The following PTPRN2 variants were observed in gnomAD, a reference collection of about 807,000 sequenced individuals.
The protein encoded by PTPRN2 is receptor-type tyrosine-protein phosphatase N2.
Under a neutral mutation model 118.8 loss-of-function variants are expected in PTPRN2, and 74 were observed. The ratio of observed to expected loss-of-function variants is 0.62; its 90% CI spans 0.52 to 0.76. PTPRN2 has a LOEUF of 0.76. Among genes scored for constraint, PTPRN2 ranks in the 30% least tolerant of loss-of-function variants. The pLI is 0.00. For missense variants in PTPRN2, 1,481 were observed against 1,394.4 expected, an observed-to-expected ratio of 1.06 and a Z score of -0.99; for synonymous variants, 641 against 608.0, an observed-to-expected ratio of 1.05 and a Z score of -0.80.
At position 157,893,428 on chromosome 7, in the gene PTPRN2, TC is replaced by T. The variant is rs1391558083; in HGVS notation, c.1788+5244del. On this transcript the variant is annotated intron_variant, in intron 12 of 22. Coordinates refer to ENST00000389418, the MANE Select transcript of PTPRN2 (RefSeq NM_002847.5). The surrounding 1 kb of genome is among the most constrained non-coding windows in gnomAD (Gnocchi z 4.0). ...TTCCCACATATGAGATGGGTGGGCA[TC>T]AGGAGTGGGCAGAGGCCAATTCTTT... Among the ~76,000 whole-genome samples the T allele has an allele frequency of 3.3e-5, 5 of 152,284 alleles. No homozygotes were observed. In the East Asian group the frequency reaches 7.7e-4, roughly 24 times the overall value.
chr7:157,799,562 G>T (rs190702023), intron 12 of PTPRN2, among the ~76,000 whole-genome samples: 1 of 152,146 alleles, frequency 6.6e-6, no homozygotes, highest in Non-Finnish European at 1.5e-5. Context: ...CATCTGACTC[G>T]CACACTGCCC....
At chr7:157,901,970 T>C (rs1287559715) in intron 11 of PTPRN2, among the ~76,000 whole-genome samples, 1 of 152,044 alleles carries the variant, frequency 6.6e-6, no homozygotes, top group Non-Finnish European at 1.5e-5. Flanking sequence ...TTCCCGTCCG[T>C]GTTTCCTTGG....
At chr7:158,144,987 C>T (rs1186373448) in intron 6 of PTPRN2, among the ~76,000 whole-genome samples, 2 of 143,950 alleles carry the variant, frequency 1.4e-5, no homozygotes, top group Admixed American at 1.4e-4. Flanking sequence ...TTCCAGAATA[C>T]CACGGCTCGG....
At chr7:157,638,852 C>T (rs1366724875) in intron 14 of PTPRN2, among the ~76,000 whole-genome samples, 2 of 152,154 alleles carry the variant, frequency 1.3e-5, no homozygotes, top group Non-Finnish European at 2.9e-5. Context: ...GCCGTCAGGG[C>T]CCACTCGCTG....
At chr7:158,484,964 C>T (rs1043322906) in intron 2 of PTPRN2, among the ~76,000 whole-genome samples, 7 of 152,280 alleles carry the variant, frequency 4.6e-5, no homozygotes, top group Middle Eastern at 3.4e-3. Context: ...TCAGCGTGGC[C>T]GGCGGAGTGA....
intron 12 of PTPRN2, among the ~76,000 whole-genome samples, chr7:157,798,618 TCTC>T (rs1805028216): frequency 6.6e-6 from 1 of 152,182 alleles, no homozygotes; most frequent in Admixed American, 6.5e-5. Context: ...GTTATTTTCT[TCTC>T]CTAATCACAA....
chr7:158,331,904 CACCAT>C (rs1316420291), intron 2 of PTPRN2, among the ~76,000 whole-genome samples: 4 of 150,106 alleles, frequency 2.7e-5, no homozygotes, highest in East Asian at 3.9e-4. Context: ...CCCACACTCT[CACCAT>C]AAGAGCTGAC....
At chr7:158,500,619 C>T (rs1036563014) in intron 1 of PTPRN2, among the ~76,000 whole-genome samples, 3 of 152,236 alleles carry the variant, frequency 2.0e-5, no homozygotes, top group African/African-American at 4.8e-5. Context: ...CAAAGGGCCA[C>T]GCTGGCTTCC....
rs74415566 is a variant in PTPRN2 at position 157,918,513 on chromosome 7, A to T, written c.1724-19776T>A. Among the ~76,000 whole-genome samples the T allele has an allele frequency of 1.5e-4, 23 of 152,334 alleles. No homozygotes were observed. The East Asian group carries it at 4.4e-3, about 29-fold the overall frequency. The stretch of plus-strand genomic sequence containing the variant: ...GCAGGGGAAGTCATCTTCCTAGGAC[A>T]GGTGCCTTCACTCGCATCAAACTAC... On this transcript the variant is annotated intron_variant, in intron 11 of 22. Transcript: ENST00000389418.
At chr7:158,289,174 G>T (rs181271764) in intron 3 of PTPRN2, among the ~76,000 whole-genome samples, 1 of 151,920 alleles carries the variant, frequency 6.6e-6, no homozygotes, top group Non-Finnish European at 1.5e-5. Flanking sequence ...CAATCTAATC[G>T]GAGACTTTTG....
chr7:158,057,350 G>A (rs1809868760), intron 11 of PTPRN2, among the ~76,000 whole-genome samples: 2 of 152,104 alleles, frequency 1.3e-5, no homozygotes, highest in South Asian at 4.1e-4. Flanking sequence ...GTCAAACTTG[G>A]GGAAAAACAG....
In PTPRN2 at chr7:157,584,039, G is replaced by C. The variant is rs182678009; in HGVS notation, c.2497-5899C>G. 2.7e-3 allele frequency among the ~76,000 whole-genome samples: 407 copies of C among 152,238 alleles called. 3 individuals carry two copies. The highest frequency in any genetic ancestry group is 9.3e-3 in the African/African-American group (387 of 41,534). ...GAGCTGGATGTGGTGGTGTGAACCT[G>C]TAGTCCCAGCTAGTTGGGAGGCTGA... On this transcript the variant is annotated intron_variant, in intron 17 of 22. Transcript: ENST00000389418.
Position 157,831,067 on chromosome 7 carries a change from G to T in PTPRN2, c.1788+67606C>A, listed in dbSNP as rs148934629. Among the ~76,000 whole-genome samples the T allele has an allele frequency of 4.0e-3, 615 of 152,364 alleles. 12 individuals carry two copies. The South Asian group carries it at 0.05, about 12-fold the overall frequency. ...GTTGGTGACTCTGGAGGAAGAGGGTGCAGGTGCTCATTTTACTCTTCTTTC... is the reference window on the plus strand; with the variant it reads ...GTTGGTGACTCTGGAGGAAGAGGGTTCAGGTGCTCATTTTACTCTTCTTTC... On this transcript the variant is annotated intron_variant, in intron 12 of 22. Coordinates refer to ENST00000389418, the MANE Select transcript of PTPRN2 (RefSeq NM_002847.5). The surrounding 1 kb of genome is among the most constrained non-coding windows in gnomAD (Gnocchi z 4.8).
chr7:158,305,730 A>C (rs1047575264), intron 3 of PTPRN2, among the ~76,000 whole-genome samples: 13 of 151,930 alleles, frequency 8.6e-5, no homozygotes, highest in African/African-American at 3.1e-4. Context: ...AAAATATCAG[A>C]ATCAACTTTT....
chr7:158,549,389 A>T (rs1826498374), intron 1 of PTPRN2, among the ~76,000 whole-genome samples: 1 of 152,148 alleles, frequency 6.6e-6, no homozygotes, highest in African/African-American at 2.4e-5. Flanking sequence ...ATTCTGGCAG[A>T]CACCGGTCCC....
At chr7:158,417,592 G>C (rs1814806470) in intron 2 of PTPRN2, among the ~76,000 whole-genome samples, 1 of 151,144 alleles carries the variant, frequency 6.6e-6, no homozygotes, top group African/African-American at 2.4e-5. Context: ...CCTACATCGA[G>C]ATGCTCTAGC....
intron 10 of PTPRN2, among the ~76,000 whole-genome samples, chr7:158,095,978 C>A (rs1013075819): frequency 6.6e-6 from 1 of 152,232 alleles, no homozygotes; most frequent in African/African-American, 2.4e-5. Context: ...GTACCCAAAT[C>A]CAGCATTTAC....
chr7:158,070,494 A>T (rs1195689004), intron 11 of PTPRN2, among the ~76,000 whole-genome samples: 86 of 84,974 alleles, frequency 1.0e-3, no homozygotes, highest in African/African-American at 4.0e-3. Context: ...CTGGTGGTGG[A>T]GGTGCCCGTG....
intron 2 of PTPRN2, among the ~76,000 whole-genome samples, chr7:158,473,795 A>AT (rs1374839584): frequency 8.2e-4 from 63 of 77,278 alleles, no homozygotes; most frequent in African/African-American, 1.3e-3. Context: ...TTAAACATTA[A>AT]TTTTTAAAAA....
Sources: gnomAD v4.1 joint callset for allele counts (sites outside exome capture counted in the v4.1 genomes callset) on GRCh38, gnomAD v4.1.1 for gene constraint, Gnocchi (gnomAD v3.1) non-coding constraint, MANE v1.5 for transcripts, NCBI Gene and HGNC (gene_info 2026-07-23, HGNC 2026-07-21) for gene names.